Variants in ADAMTSL1 observed in about 807,000 individuals in gnomAD.
ADAMTSL1 encodes the protein ADAMTS-like protein 1.
In ADAMTSL1, 126 loss-of-function variants were observed where a neutral mutation model predicts 201.8. The observed-to-expected ratio is 0.62, with a 90% CI of 0.54 to 0.72. ADAMTSL1 has a LOEUF of 0.72. Among genes scored for constraint, ADAMTSL1 ranks in the 30% least tolerant of loss-of-function variants. ADAMTSL1 has a pLI of 0.00. For synonymous variants in ADAMTSL1, 1,121 were observed against 903.4 expected (o/e 1.24, Z -4.32); for missense variants, 2,679 against 2,277.8 (o/e 1.18, Z -3.59).
intron 2 of ADAMTSL1, among the ~76,000 whole-genome samples, chr9:18,225,303 G>T (rs1209164537): frequency 2.6e-5 from 4 of 152,130 alleles, no homozygotes; most frequent in Non-Finnish European, 4.4e-5. Context: ...AGCTCAGATT[G>T]TTAGTGTAGT....
intron 1 of ADAMTSL1, among the ~76,000 whole-genome samples, chr9:17,916,222 A>G (rs544093605): frequency 1.1e-4 from 17 of 152,294 alleles, no homozygotes; most frequent in African/African-American, 3.4e-4. Flanking sequence ...CCCAGCCACT[A>G]TGAATGTCTT....
Position 18,490,193 on chromosome 9 carries a change from G to T in ADAMTSL1, c.64-14636G>T, listed in dbSNP as rs1822198398. ...GGAACTGGCCTGGCCAGAGCTGGAAGCAGGCTGGGGTCCCAGTTGTGTATC... is the reference window on the plus strand; with the variant it reads ...GGAACTGGCCTGGCCAGAGCTGGAATCAGGCTGGGGTCCCAGTTGTGTATC... On this transcript the variant is annotated intron_variant, in intron 1 of 28. Transcript: ENST00000380548. Among the ~76,000 whole-genome samples the T allele has an allele frequency of 2.0e-5, 3 of 152,174 alleles. No individual in the cohort carries two copies. The South Asian group carries it at 6.2e-4, about 32-fold the overall frequency.
chr9:18,261,426 G>A (rs2132535558), intron 2 of ADAMTSL1, among the ~76,000 whole-genome samples: 1 of 152,270 alleles, frequency 6.6e-6, no homozygotes, highest in South Asian at 2.1e-4. Flanking sequence ...CAAGTAAAGT[G>A]ATTTTCCTGA....
intron 15 of ADAMTSL1, among the ~76,000 whole-genome samples, chr9:18,745,840 T>C (rs1257168868): frequency 1.3e-5 from 2 of 152,144 alleles, no homozygotes; most frequent in Non-Finnish European, 2.9e-5. Flanking sequence ...CTCCCATTAT[T>C]TTTTATGTAT....
In ADAMTSL1 at chr9:18,292,717, G is replaced by T. The variant is rs190335839; in HGVS notation, c.207+128736G>T. 4.6e-5 allele frequency among the ~76,000 whole-genome samples: 7 copies of T among 152,222 alleles called. No homozygotes were observed. The East Asian group carries it at 7.7e-4, about 17-fold the overall frequency. On this transcript the variant is annotated intron_variant, in intron 2 of 29. Transcript: ENST00000680146. ...CCAGTTCTTCAGCTTTTGGTCTGTTGGACTTAAACCAATGGTTTGCCAGGG... is the reference window on the plus strand; with the variant it reads ...CCAGTTCTTCAGCTTTTGGTCTGTTTGACTTAAACCAATGGTTTGCCAGGG...
At chr9:18,260,708 T>G (rs905918485) in intron 2 of ADAMTSL1, among the ~76,000 whole-genome samples, 13 of 152,330 alleles carry the variant, frequency 8.5e-5, no homozygotes, top group African/African-American at 3.1e-4. Flanking sequence ...TGTGGTCGTT[T>G]CCATCTGCCA....
intron 2 of ADAMTSL1, among the ~76,000 whole-genome samples, chr9:18,379,787 C>T (rs1034593249): frequency 2.0e-5 from 3 of 152,116 alleles, no homozygotes; most frequent in Non-Finnish European, 4.4e-5. Flanking sequence ...AAAGAAAAGG[C>T]ACAATTACTG....
At chr9:18,866,960 G>C (rs1001414242) in intron 23 of ADAMTSL1, among the ~76,000 whole-genome samples, 3 of 152,188 alleles carry the variant, frequency 2.0e-5, no homozygotes, top group Non-Finnish European at 4.4e-5. Flanking sequence ...TAGAGGAAGA[G>C]GCAAGAGGAA....
intron 19 of ADAMTSL1, chr9:18,793,367 G>A (rs1277202538): frequency 6.6e-6 from 1 of 150,972 alleles, no homozygotes; most frequent in Non-Finnish European, 1.5e-5. Flanking sequence ...CTGATTAGAA[G>A]TGGTGCTGAA....
At chr9:18,119,889 G>A (rs1825427278) in intron 1 of ADAMTSL1, among the ~76,000 whole-genome samples, 1 of 152,102 alleles carries the variant, frequency 6.6e-6, no homozygotes, top group South Asian at 2.1e-4. Context: ...TTAACTTTGG[G>A]AGATCAAAAT....
intron 23 of ADAMTSL1, among the ~76,000 whole-genome samples, chr9:18,835,731 C>T (rs1292204234): frequency 6.6e-6 from 1 of 152,078 alleles, no homozygotes; most frequent in African/African-American, 2.4e-5. Context: ...ATGTTTAGTT[C>T]CTGCTTCTAA....
intron 2 of ADAMTSL1, among the ~76,000 whole-genome samples, chr9:18,351,277 A>C (rs1311786543): frequency 6.6e-6 from 1 of 151,758 alleles, no homozygotes; most frequent in Non-Finnish European, 1.5e-5. Context: ...AAAAAAAAAG[A>C]AAAAGAAAAA....
chr9:18,052,805 C>T (rs944809740), intron 1 of ADAMTSL1, among the ~76,000 whole-genome samples: 1 of 148,284 alleles, frequency 6.7e-6, no homozygotes, highest in Non-Finnish European at 1.5e-5. Flanking sequence ...GTGGGGGTGA[C>T]ATGTTTTTGG....
chr9:18,429,554 G>C (rs960207080), intron 2 of ADAMTSL1, among the ~76,000 whole-genome samples: 1 of 151,956 alleles, frequency 6.6e-6, no homozygotes, highest in African/African-American at 2.4e-5. Context: ...CGAATACCCA[G>C]AACAATGCTT....
intron 4 of ADAMTSL1, among the ~76,000 whole-genome samples, chr9:18,620,562 T>C (rs953829938): frequency 3.3e-5 from 5 of 152,214 alleles, no homozygotes; most frequent in African/African-American, 9.6e-5. Context: ...TCTACAGATA[T>C]GAATTTTGAA....
At chr9:18,788,402 C>T (rs566098261) in intron 19 of ADAMTSL1, among the ~76,000 whole-genome samples, 19 of 151,228 alleles carry the variant, frequency 1.3e-4, no homozygotes, top group Admixed American at 1.1e-3. Flanking sequence ...CCGCAACCAC[C>T]GAAAATGAGG....
intron 2 of ADAMTSL1, among the ~76,000 whole-genome samples, chr9:18,337,449 A>T (rs1835289132): frequency 6.6e-6 from 1 of 152,100 alleles, no homozygotes; most frequent in African/African-American, 2.4e-5. Context: ...TCATATATAC[A>T]TCTATCCTAT....
intron 2 of ADAMTSL1, among the ~76,000 whole-genome samples, chr9:18,284,481 A>C (rs1040112868): frequency 2.0e-5 from 3 of 152,148 alleles, no homozygotes; most frequent in Non-Finnish European, 4.4e-5. Context: ...TTGCTTCATC[A>C]GAATTACTTG....
At chr9:18,138,101 G>C (rs1422543244) in intron 1 of ADAMTSL1, among the ~76,000 whole-genome samples, 2 of 152,164 alleles carry the variant, frequency 1.3e-5, no homozygotes, top group Non-Finnish European at 2.9e-5. Flanking sequence ...TCTTCAGCAA[G>C]TAACTTAAAC....
Sources: gnomAD v4.1 joint callset for allele counts (sites outside exome capture counted in the v4.1 genomes callset) on GRCh38, gnomAD v4.1.1 for gene constraint, MANE v1.5 for transcripts, NCBI Gene and HGNC (gene_info 2026-07-23, HGNC 2026-07-21) for gene names.